SRGAP1: variants seen among roughly 807,000 people sequenced by gnomAD.
SRGAP1 encodes SLIT-ROBO Rho GTPase activating protein 1.
In SRGAP1, 43 loss-of-function variants were observed where a neutral mutation model predicts 121.9. That is an observed-to-expected ratio of 0.35 (90% CI 0.28 to 0.46). SRGAP1 has a LOEUF of 0.46. Ranked by LOEUF, SRGAP1 falls within the 20% of genes least tolerant of loss-of-function variation. The pLI is 1.00. For synonymous variants in SRGAP1, 447 were observed against 485.4 expected, an observed-to-expected ratio of 0.92 and a Z score of 1.04; for missense variants, 1,102 against 1,350.9, an observed-to-expected ratio of 0.82 and a Z score of 2.89.
At chr12:64,097,558 C>T (rs1263726315) in intron 15 of SRGAP1, 183 bp downstream of exon 15, 2 of 581,796 alleles carry the variant, frequency 3.4e-6, no homozygotes, top group Non-Finnish European at 5.5e-6. Flanking sequence ...TGGCCTCACC[C>T]TCGGCTGAGT....
intron 1 of SRGAP1, among the ~76,000 whole-genome samples, chr12:63,853,607 C>T (rs1455677465): frequency 1.3e-5 from 2 of 152,208 alleles, no homozygotes; most frequent in Admixed American, 1.3e-4. Context: ...CAGTATTGAG[C>T]ACCTACAGTG....
In SRGAP1 at chr12:63,990,028, C is replaced by T. The variant is rs866227246; in HGVS notation, c.382C>T (p.Arg128Trp). The T allele has an allele frequency of 5.6e-6, 9 of 1,612,778 alleles. No individual in the cohort carries two copies. The highest frequency in any genetic ancestry group is 1.1e-5 in the South Asian group (1 of 90,758). The change falls in exon 3 of 22, where the codon CGG becomes TGG. Residue 128 changes from arginine to tryptophan, a missense_variant. Coordinates refer to ENST00000355086, the MANE Select transcript of SRGAP1 (RefSeq NM_020762.4). ...CATCTATCTGAACAATGTGATTATGCGGTTCATGCAGATAAGTGAGGATTC... is the reference window on the plus strand; with the variant it reads ...CATCTATCTGAACAATGTGATTATGTGGTTCATGCAGATAAGTGAGGATTC... ...SDIYLNNVIM[R>W]FMQISEDSTR...
At chr12:64,002,693 T>G (rs2136438372) in intron 3 of SRGAP1, among the ~76,000 whole-genome samples, 1 of 152,246 alleles carries the variant, frequency 6.6e-6, no homozygotes, top group Non-Finnish European at 1.5e-5. Flanking sequence ...CACTTTGTGG[T>G]GCATCTGCAG....
At chr12:63,905,273 T>C (rs922556667) in intron 1 of SRGAP1, among the ~76,000 whole-genome samples, 2 of 152,188 alleles carry the variant, frequency 1.3e-5, no homozygotes, top group Non-Finnish European at 2.9e-5. Context: ...GTTATGATCA[T>C]TTATCAAAGT....
At chr12:64,081,350 T>C (rs1463757122) in intron 10 of SRGAP1, 1 of 152,104 alleles carries the variant, frequency 6.6e-6, no homozygotes, top group Non-Finnish European at 1.5e-5. Context: ...TCTATCACCT[T>C]ATCTCCTGGT....
At chr12:63,896,825 C>T (rs138088536) in intron 1 of SRGAP1, among the ~76,000 whole-genome samples, 3 of 152,266 alleles carry the variant, frequency 2.0e-5, no homozygotes, top group Non-Finnish European at 2.9e-5. Flanking sequence ...AGAATGCTAA[C>T]GCTGTGGGTT....
chr12:63,900,603 A>C (rs1235737942), intron 1 of SRGAP1, among the ~76,000 whole-genome samples: 2 of 151,976 alleles, frequency 1.3e-5, no homozygotes, highest in Admixed American at 6.6e-5. Flanking sequence ...AGATGAGGCC[A>C]GGAGTTCGAG....
At chr12:64,026,200 G>T (rs1345605866) in intron 4 of SRGAP1, among the ~76,000 whole-genome samples, 1 of 152,084 alleles carries the variant, frequency 6.6e-6, no homozygotes, top group Non-Finnish European at 1.5e-5. Flanking sequence ...TTTATATCCA[G>T]AATCCTTCTC....
intron 1 of SRGAP1, among the ~76,000 whole-genome samples, chr12:63,851,013 G>A (rs757134004): frequency 1.9e-4 from 29 of 151,692 alleles, no homozygotes; most frequent in Admixed American, 5.3e-4. Flanking sequence ...AAAATTAGCC[G>A]GGTGTGGTAG....
intron 21 of SRGAP1, among the ~76,000 whole-genome samples, chr12:64,136,676 C>T (rs1342612085): frequency 1.3e-5 from 2 of 152,094 alleles, no homozygotes; most frequent in African/African-American, 2.4e-5. Context: ...TAAAAATTAA[C>T]GCAATTTTAA....
At chr12:63,923,747 G>A (rs765234355) in intron 1 of SRGAP1, among the ~76,000 whole-genome samples, 12 of 152,174 alleles carry the variant, frequency 7.9e-5, no homozygotes, top group Non-Finnish European at 1.6e-4. Context: ...TTGAGTAAAG[G>A]CTACAGATTA....
intron 3 of SRGAP1, among the ~76,000 whole-genome samples, chr12:64,015,640 A>G (rs1157201620): frequency 2.0e-5 from 3 of 152,176 alleles, no homozygotes; most frequent in African/African-American, 4.8e-5. Context: ...GCCTGACCCA[A>G]TGACCTCATG....
At chr12:63,880,459 G>A (rs1248815550) in intron 1 of SRGAP1, among the ~76,000 whole-genome samples, 1 of 152,056 alleles carries the variant, frequency 6.6e-6, no homozygotes, top group Non-Finnish European at 1.5e-5. Context: ...TCAAACTCCT[G>A]ACCTCAAGTG....
At chr12:64,086,724 A>G (rs1467170897) in intron 10 of SRGAP1, among the ~76,000 whole-genome samples, 2 of 35,814 alleles carry the variant, frequency 5.6e-5, no homozygotes, top group Non-Finnish European at 1.5e-4. Context: ...TCTTTTCTGA[A>G]AAAAAAAAAA....
At chr12:63,917,631 T>C (rs2030845868) in intron 1 of SRGAP1, among the ~76,000 whole-genome samples, 1 of 152,132 alleles carries the variant, frequency 6.6e-6, no homozygotes, top group Non-Finnish European at 1.5e-5. Flanking sequence ...TTCTGTTTTG[T>C]TTTAAAAGGA....
At chr12:63,848,209 T>C (rs1254694206) in intron 1 of SRGAP1, among the ~76,000 whole-genome samples, 1 of 151,978 alleles carries the variant, frequency 6.6e-6, no homozygotes, top group Non-Finnish European at 1.5e-5. Context: ...TTTCGACATG[T>C]TGGCCAGGCT....
At position 64,149,729 on chromosome 12, in the gene SRGAP1, A is replaced by G. The variant is rs1353811151; in HGVS notation, c.*7057A>G. ...GAGTAGTTGGGACTCCTAAAAAGGA[A>G]AATTCCCCAAGTTTGACCTAGAATG... On this transcript the variant is annotated 3_prime_UTR_variant, in exon 22 of 22. Coordinates refer to ENST00000355086, the MANE Select transcript of SRGAP1 (RefSeq NM_020762.4). 6.6e-6 allele frequency: 1 copy of G among 152,164 alleles called. No individual in the cohort carries two copies. The highest frequency in any genetic ancestry group is 1.9e-4 in the East Asian group (1 of 5,186). 9.4% of individuals were successfully genotyped at this position (152,164 alleles called of 1,614,324 possible).
intron 4 of SRGAP1, among the ~76,000 whole-genome samples, chr12:64,021,218 C>CT (rs1222099794): frequency 6.6e-6 from 1 of 152,220 alleles, no homozygotes; most frequent in African/African-American, 2.4e-5. Flanking sequence ...TTGGCCAGAA[C>CT]TTAGAACATG....
chr12:63,984,028 A>G lies in SRGAP1; in HGVS notation c.149A>G (p.Gln50Arg). Reference protein sequence around the residue: ...EMRVQLLQDLQDFFRKKAEIE... With the variant: ...EMRVQLLQDLRDFFRKKAEIE... ...CGAGTTCAGCTTCTCCAGGATCTGC[A>G]AGATTTCTTCCGAAAAAAAGCTGAA... The change falls in exon 2 of 22, where the codon CAA (glutamine) becomes CGA (arginine). Residue 50 changes from glutamine to arginine, a missense_variant. Gln to Arg is a conservative substitution (Grantham distance 43). Transcript: ENST00000355086. 1.3e-6 allele frequency: 2 copies of G among 1,579,956 alleles called. No homozygotes were observed. The highest frequency in any genetic ancestry group is 1.2e-5 in the South Asian group (1 of 85,980).
Sources: gnomAD v4.1 joint callset for allele counts (sites outside exome capture counted in the v4.1 genomes callset) on GRCh38, gnomAD v4.1.1 for gene constraint, MANE v1.5 for transcripts, NCBI Gene and HGNC (gene_info 2026-07-23, HGNC 2026-07-21) for gene names.